Variants in ANKRD28 observed in about 807,000 individuals in gnomAD.
ANKRD28 encodes the protein ankyrin repeat domain 28.
ANKRD28 carries 44 observed loss-of-function variants against 126.5 expected under a neutral mutation model. The ratio of observed to expected loss-of-function variants is 0.35; its 90% CI spans 0.27 to 0.45. ANKRD28 has a LOEUF of 0.45. ANKRD28 is among the 20% of genes least tolerant of loss of function. The pLI is 1.00. For synonymous variants in ANKRD28, 442 were observed against 468.5 expected (o/e 0.94, Z 0.73); for missense variants, 1,110 against 1,316.6 (o/e 0.84, Z 2.43).
intron 1 of ANKRD28, among the ~76,000 whole-genome samples, chr3:15,847,464 C>T (rs117088807): frequency 0.01 from 1,595 of 152,266 alleles, 90 homozygotes; most frequent in Admixed American, 0.082. Context: ...TAATTATCAC[C>T]TAAAAGCCCA....
intron 2 of ANKRD28, among the ~76,000 whole-genome samples, chr3:15,771,499 C>T (rs916260173): frequency 6.6e-6 from 1 of 151,328 alleles, no homozygotes; most frequent in African/African-American, 2.4e-5. Context: ...AAAAGGAGAG[C>T]AGGGGTGTCA....
intron 1 of ANKRD28, among the ~76,000 whole-genome samples, chr3:15,805,860 A>G (rs1429081246): frequency 6.6e-6 from 1 of 152,206 alleles, no homozygotes; most frequent in Non-Finnish European, 1.5e-5. Flanking sequence ...CCGAAAGTAC[A>G]GTAAGATCAG....
chr3:15,706,437 G>A (rs1306110288), intron 14 of ANKRD28, among the ~76,000 whole-genome samples: 4 of 152,022 alleles, frequency 2.6e-5, no homozygotes, highest in African/African-American at 9.7e-5. Flanking sequence ...TTTTATGGCT[G>A]CATAGTATTC....
chr3:15,682,746 T>C (rs1488055558), intron 21 of ANKRD28, among the ~76,000 whole-genome samples: 14 of 152,202 alleles, frequency 9.2e-5, no homozygotes, highest in Admixed American at 9.2e-4. Flanking sequence ...GTAAAAACCA[T>C]TTTACATATT....
At position 15,679,427 on chromosome 3, in the gene ANKRD28, A is replaced by G. The variant is rs753779250; in HGVS notation, c.2478-43T>C. 14 of 1,612,512 alleles carry G rather than the reference A, an allele frequency of 8.7e-6. No homozygotes were observed. The African/African-American group carries it at 1.5e-4, about 17-fold the overall frequency. On this transcript the variant is annotated intron_variant, in intron 22 of 27. Transcript: ENST00000683139. ...GTGATCATTCTCACAGCAATGGTGTATTTCTTAAAACACTCAAACCAAATC... is the reference window on the plus strand; with the variant it reads ...GTGATCATTCTCACAGCAATGGTGTGTTTCTTAAAACACTCAAACCAAATC...
At chr3:15,672,371 G>A (rs2066465332) in intron 27 of ANKRD28, among the ~76,000 whole-genome samples, 1 of 152,006 alleles carries the variant, frequency 6.6e-6, no homozygotes, top group South Asian at 2.1e-4. Context: ...CAAACTGCTG[G>A]CTTTAAGTGA....
intron 2 of ANKRD28, among the ~76,000 whole-genome samples, chr3:15,789,296 G>C (rs1443196610): frequency 1.3e-5 from 2 of 152,040 alleles, no homozygotes; most frequent in Non-Finnish European, 2.9e-5. Context: ...GGATGAACCA[G>C]GTGATGAACC....
intron 1 of ANKRD28, among the ~76,000 whole-genome samples, chr3:15,856,239 A>G (rs2061762833): frequency 1.3e-5 from 2 of 152,190 alleles, no homozygotes; most frequent in Non-Finnish European, 2.9e-5. Context: ...CACTGCAACA[A>G]TGGCTTGAAG....
chr3:15,673,242 CTTATTCCAA>C (rs1366375897), intron 27 of ANKRD28, among the ~76,000 whole-genome samples: 1 of 152,246 alleles, frequency 6.6e-6, no homozygotes, highest in Non-Finnish European at 1.5e-5. Context: ...GCATTCTATG[CTTATTCCAA>C]TTAAACTATT....
chr3:15,859,250 G>A, intron 1 of ANKRD28: 3 of 1,385,410 alleles, frequency 2.2e-6, no homozygotes, highest in Non-Finnish European at 2.9e-6. Context: ...CAGGTCCCCG[G>A]GGCAGGACCC....
upstream of ANKRD28, among the ~76,000 whole-genome samples, chr3:15,801,527 G>T (rs2060465589): frequency 6.6e-6 from 1 of 152,108 alleles, no homozygotes; most frequent in Non-Finnish European, 1.5e-5. The surrounding 1 kb of genome is among the most constrained non-coding windows in gnomAD (Gnocchi z 4.9). Flanking sequence ...AAGGAAGTGG[G>T]TTCAAACAAT....
chr3:15,859,210 C>G (rs1383188092), intron 1 of ANKRD28, among the ~76,000 whole-genome samples: 1 of 152,184 alleles, frequency 6.6e-6, no homozygotes, highest in Non-Finnish European at 1.5e-5. Context: ...ACAGGCGGGT[C>G]GCCCGCGGAC....
chr3:15,667,449 A>G lies in ANKRD28; in HGVS notation c.*2821T>C, dbSNP rs1444250775. 6.6e-6 allele frequency: 1 copy of G among 152,222 alleles called. No homozygotes were observed. The highest frequency in any genetic ancestry group is 1.9e-4 in the East Asian group (1 of 5,202). The allele number at this position is 152,222 out of a possible 1,614,324, so 9.4% of individuals were successfully genotyped here. The stretch of plus-strand genomic sequence containing the variant: ...TTATAATACACATCAGATATTTCAG[A>G]TGTCATCTTTTATGTATAAGTTAAA... On this transcript the variant is annotated 3_prime_UTR_variant, in exon 28 of 28. Transcript: ENST00000683139.
At chr3:15,742,900 C>T (rs866394350) in intron 4 of ANKRD28, among the ~76,000 whole-genome samples, 2,802 of 149,396 alleles carry the variant, frequency 0.019, 90 homozygotes, top group African/African-American at 0.065. Flanking sequence ...TGAGAACGGG[C>T]CATGATGACA....
At chr3:15,724,780 A>G (rs1345650604) in intron 6 of ANKRD28, among the ~76,000 whole-genome samples, 5 of 152,074 alleles carry the variant, frequency 3.3e-5, no homozygotes. Context: ...GGAATTTGAG[A>G]CCAGCCTAGG....
intron 2 of ANKRD28, among the ~76,000 whole-genome samples, chr3:15,774,061 T>A (rs535945272): frequency 1.3e-5 from 2 of 152,286 alleles, no homozygotes; most frequent in African/African-American, 4.8e-5. Flanking sequence ...GTAGAAATAA[T>A]CTTTTCAACA....
At chr3:15,765,569 T>C (rs753984243) in intron 3 of ANKRD28, among the ~76,000 whole-genome samples, 13 of 152,098 alleles carry the variant, frequency 8.5e-5, no homozygotes, top group Non-Finnish European at 1.9e-4. Flanking sequence ...TAGGCGGGCA[T>C]GGTGGCTCAC....
intron 2 of ANKRD28, among the ~76,000 whole-genome samples, chr3:15,785,878 G>C (rs1479493721): frequency 6.6e-6 from 1 of 151,792 alleles, no homozygotes; most frequent in Non-Finnish European, 1.5e-5. Context: ...GAGCTACCAA[G>C]CCATTAAAAA....
chr3:15,787,868 A>AC (rs1282254132), intron 2 of ANKRD28, among the ~76,000 whole-genome samples: 1 of 152,230 alleles, frequency 6.6e-6, no homozygotes, highest in African/African-American at 2.4e-5. Flanking sequence ...GCGGTTTTGA[A>AC]AACAAGGGAT....
Sources: allele counts gnomAD v4.1 joint callset (sites outside exome capture counted in the v4.1 genomes callset), GRCh38; gene constraint gnomAD v4.1.1; non-coding constraint Gnocchi (gnomAD v3.1); transcripts MANE v1.5; gene names NCBI Gene and HGNC (gene_info 2026-07-23, HGNC 2026-07-21).